The following RFX3 variants were observed in gnomAD, a reference collection of about 807,000 sequenced individuals.
RFX3 encodes transcription factor RFX3.
A neutral mutation model predicts 98.6 loss-of-function variants in RFX3; 14 were observed. The ratio of observed to expected loss-of-function variants is 0.14; its 90% CI spans 0.09 to 0.22. RFX3 has a LOEUF of 0.22. RFX3 is among the 10% of genes least tolerant of loss of function. The probability of loss-of-function intolerance (pLI) is 1.00; values close to 1 mark genes in which losing one functional copy is unlikely to be tolerated. For synonymous variants in RFX3, 383 were observed against 328.4 expected (o/e 1.17, Z -1.80); for missense variants, 639 against 926.9 (o/e 0.69, Z 4.03).
chr9:3,276,168 C>T (rs1167896418), intron 8 of RFX3, among the ~76,000 whole-genome samples: 1 of 152,096 alleles, frequency 6.6e-6, no homozygotes, highest in Non-Finnish European at 1.5e-5. Context: ...ACTGCCGCAG[C>T]ACAGGATCTT....
At chr9:3,422,931 T>C (rs1249083802) in intron 1 of RFX3, among the ~76,000 whole-genome samples, 1 of 152,166 alleles carries the variant, frequency 6.6e-6, no homozygotes, top group Non-Finnish European at 1.5e-5. Flanking sequence ...TAAAAACCTC[T>C]ATAAAAATAG....
chr9:3,320,475 C>G (rs1469053661), intron 4 of RFX3, among the ~76,000 whole-genome samples: 2 of 151,502 alleles, frequency 1.3e-5, no homozygotes, highest in Non-Finnish European at 2.9e-5. Context: ...TCACTTGAAC[C>G]TGGGAGTCAG....
At chr9:3,317,826 C>T (rs1245082805) in intron 4 of RFX3, among the ~76,000 whole-genome samples, 2 of 152,202 alleles carry the variant, frequency 1.3e-5, no homozygotes, top group African/African-American at 2.4e-5. Context: ...ATGAGATAAC[C>T]ATCTCACACC....
intron 1 of RFX3, among the ~76,000 whole-genome samples, chr9:3,451,021 G>T (rs1010488326): frequency 6.6e-6 from 1 of 152,120 alleles, no homozygotes. Context: ...CTGATTCTAG[G>T]AGTGAAGCAG....
intron 1 of RFX3, among the ~76,000 whole-genome samples, chr9:3,461,060 T>C (rs547178525): frequency 6.6e-6 from 1 of 150,942 alleles, no homozygotes; most frequent in Non-Finnish European, 1.5e-5. Flanking sequence ...CTATTTCTTA[T>C]TTTCTTTCTC....
chr9:3,425,750 T>C (rs1843955475), intron 1 of RFX3, among the ~76,000 whole-genome samples: 1 of 152,206 alleles, frequency 6.6e-6, no homozygotes, highest in Admixed American at 6.5e-5. Flanking sequence ...ATTTTCATGC[T>C]CTTCACCTCT....
At chr9:3,506,541 A>T (rs1476264282) in intron 1 of RFX3, among the ~76,000 whole-genome samples, 1 of 151,924 alleles carries the variant, frequency 6.6e-6, no homozygotes, top group Admixed American at 6.6e-5. Flanking sequence ...GAATTCTTGC[A>T]CCCTGTCACA....
intron 1 of RFX3, among the ~76,000 whole-genome samples, chr9:3,404,737 T>C (rs1587538779): frequency 6.6e-6 from 1 of 152,314 alleles, no homozygotes; most frequent in Non-Finnish European, 1.5e-5. Context: ...TTTCATGTAA[T>C]AAGTTTCATT....
intron 4 of RFX3, among the ~76,000 whole-genome samples, chr9:3,307,130 A>G (rs1044720655): frequency 3.9e-5 from 6 of 152,122 alleles, no homozygotes; most frequent in African/African-American, 1.2e-4. Flanking sequence ...GCCTTCTGCC[A>G]TGACTGTGAG....
At chr9:3,302,439 A>C (rs1828776681) in intron 4 of RFX3, among the ~76,000 whole-genome samples, 1 of 151,736 alleles carries the variant, frequency 6.6e-6, no homozygotes, top group South Asian at 2.1e-4. Context: ...CTATCTTTCA[A>C]CTCCTGGTAG....
intron 1 of RFX3, among the ~76,000 whole-genome samples, chr9:3,445,923 C>G (rs1183781900): frequency 6.6e-6 from 1 of 152,024 alleles, no homozygotes; most frequent in Non-Finnish European, 1.5e-5. Flanking sequence ...AATATTGTTT[C>G]CTTTGGTGAA....
intron 1 of RFX3, among the ~76,000 whole-genome samples, chr9:3,458,901 T>A (rs941834274): frequency 6.6e-6 from 1 of 152,160 alleles, no homozygotes; most frequent in East Asian, 1.9e-4. Flanking sequence ...AAAAGCAGCA[T>A]CTTCAAACTC....
At chr9:3,517,063 A>G (rs1818255198) in intron 1 of RFX3, among the ~76,000 whole-genome samples, 1 of 152,226 alleles carries the variant, frequency 6.6e-6, no homozygotes, top group Non-Finnish European at 1.5e-5. Flanking sequence ...CAGAAGAAAC[A>G]ATAAGCAAAC....
At chr9:3,408,865 A>G (rs1842222425) in intron 1 of RFX3, among the ~76,000 whole-genome samples, 1 of 152,196 alleles carries the variant, frequency 6.6e-6, no homozygotes, top group South Asian at 2.1e-4. Context: ...AGAGATGGTG[A>G]TCGGGTACGA....
intron 4 of RFX3, among the ~76,000 whole-genome samples, chr9:3,329,422 A>AC (rs1287481938): frequency 1.3e-5 from 2 of 150,068 alleles, no homozygotes; most frequent in Admixed American, 6.6e-5. Flanking sequence ...AAAAAAAAAA[A>AC]AAAAAACAAA....
intron 2 of RFX3, among the ~76,000 whole-genome samples, chr9:3,356,958 C>A (rs1291066956): frequency 7.2e-6 from 1 of 139,146 alleles, no homozygotes; most frequent in African/African-American, 3.3e-5. Flanking sequence ...CACACATACA[C>A]ACATGCACAC....
intron 2 of RFX3, among the ~76,000 whole-genome samples, chr9:3,371,606 T>C (rs1355826867): frequency 6.6e-6 from 1 of 152,152 alleles, no homozygotes; most frequent in Non-Finnish European, 1.5e-5. Flanking sequence ...TGTATTATCC[T>C]GAAAAAGCAG....
intron 3 of RFX3, among the ~76,000 whole-genome samples, chr9:3,342,436 G>T (rs201007807): frequency 2.6e-5 from 4 of 152,116 alleles, no homozygotes; most frequent in African/African-American, 9.7e-5. Flanking sequence ...AAGACTACTA[G>T]AACAGATATC....
intron 2 of RFX3, among the ~76,000 whole-genome samples, chr9:3,387,026 T>C (rs1176598076): frequency 6.6e-6 from 1 of 152,142 alleles, no homozygotes; most frequent in Non-Finnish European, 1.5e-5. Flanking sequence ...CTTCACAGAT[T>C]GCCTTATTTC....
Sources: gnomAD v4.1 joint callset for allele counts (sites outside exome capture counted in the v4.1 genomes callset) on GRCh38, gnomAD v4.1.1 for gene constraint, MANE v1.5 for transcripts, NCBI Gene and HGNC (gene_info 2026-07-23, HGNC 2026-07-21) for gene names.